The following VRK2 variants were observed in gnomAD, a reference collection of about 807,000 sequenced individuals.
The protein encoded by VRK2 is VRK serine/threonine kinase 2.
Under a neutral mutation model 57.6 loss-of-function variants are expected in VRK2, and 60 were observed. The observed-to-expected ratio is 1.04, with a 90% CI of 0.85 to 1.29. The LOEUF (loss-of-function observed/expected upper bound fraction) is 1.29, where lower values mean the gene tolerates loss of function less well. VRK2 is among the 50% of genes most tolerant of loss of function. The pLI, the probability that VRK2 is intolerant of heterozygous loss-of-function variation, is 0.00. For missense variants in VRK2, 705 were observed against 588.1 expected (o/e 1.20, Z -2.06); for synonymous variants, 231 against 199.2 (o/e 1.16, Z -1.35).
intron 5 of VRK2, 142 bp from the exon 6 acceptor site, chr2:58,088,199 A>T: frequency 1.6e-6 from 1 of 635,874 alleles, no homozygotes; most frequent in Non-Finnish European, 2.8e-6. Flanking sequence ...AGAATTATGA[A>T]CGTGCATTCA....
chr2:58,066,672 A>G (rs1424595280), intron 2 of VRK2, among the ~76,000 whole-genome samples: 1 of 152,142 alleles, frequency 6.6e-6, no homozygotes, highest in Non-Finnish European at 1.5e-5. Context: ...AATGTTTTGT[A>G]TAGTTATACA....
At chr2:58,130,913 T>C (rs1046147004) in intron 8 of VRK2, among the ~76,000 whole-genome samples, 6 of 152,334 alleles carry the variant, frequency 3.9e-5, no homozygotes, top group Non-Finnish European at 8.8e-5. Flanking sequence ...GTATCAGTTA[T>C]ATTTCATACA....
intron 1 of VRK2, among the ~76,000 whole-genome samples, chr2:57,946,057 A>G (rs1035505621): frequency 1.2e-4 from 19 of 152,290 alleles, no homozygotes; most frequent in African/African-American, 4.3e-4. Flanking sequence ...TTATCTATAT[A>G]TTTTGCAAGC....
At chr2:57,939,670 A>C (rs1671030361) in intron 1 of VRK2, among the ~76,000 whole-genome samples, 1 of 152,240 alleles carries the variant, frequency 6.6e-6, no homozygotes, top group Non-Finnish European at 1.5e-5. Context: ...ATTATGTGAA[A>C]GTAAATGCAC....
chr2:58,138,350 T>C (rs979321481), intron 10 of VRK2, among the ~76,000 whole-genome samples: 2 of 152,118 alleles, frequency 1.3e-5, no homozygotes, highest in African/African-American at 4.8e-5. Flanking sequence ...AACAGAGATC[T>C]GGTTGACCGA....
At chr2:57,985,118 G>C (rs1449162117) in intron 1 of VRK2, among the ~76,000 whole-genome samples, 1 of 151,962 alleles carries the variant, frequency 6.6e-6, no homozygotes, top group Non-Finnish European at 1.5e-5. Flanking sequence ...TAGATGGATA[G>C]AGTGATAAAT....
chr2:58,122,202 A>T (rs1185635384), intron 7 of VRK2, among the ~76,000 whole-genome samples: 1 of 152,118 alleles, frequency 6.6e-6, no homozygotes, highest in Non-Finnish European at 1.5e-5. Context: ...CAGTCTCTTC[A>T]CTATCATTAT....
chr2:58,145,723 CG>C (rs1682013367), intron 11 of VRK2, among the ~76,000 whole-genome samples: 1 of 151,916 alleles, frequency 6.6e-6, no homozygotes, highest in Non-Finnish European at 1.5e-5. Context: ...GTGCTGCACC[CG>C]TTAACTCATC....
At chr2:58,105,066 G>A (rs545710874) in intron 7 of VRK2, among the ~76,000 whole-genome samples, 1 of 151,814 alleles carries the variant, frequency 6.6e-6, no homozygotes, top group South Asian at 2.1e-4. Context: ...AACTCAAGAT[G>A]GATTAAAGAC....
At chr2:58,045,294 G>A (rs1674654519), upstream of VRK2, among the ~76,000 whole-genome samples, 1 of 152,160 alleles carries the variant, frequency 6.6e-6, no homozygotes, top group African/African-American at 2.4e-5. Context: ...TTTGAAGGTT[G>A]AGCCAACAGG....
rs3732136 is a variant in VRK2 at position 58,159,865 on chromosome 2, C to T, written c.*172C>T. 476,602 of 1,600,198 alleles carry T rather than the reference C, an allele frequency of 0.3. 82,760 individuals are homozygous for T. The highest frequency in any genetic ancestry group is 0.83 in the African/African-American group (61,960 of 74,444). ...CTCTAAAAAATAAAATTGCTTTGTA[C>T]TAGAAATAGTGTCATAGAATAGTGT... On this transcript the variant is annotated 3_prime_UTR_variant, in exon 13 of 13. Transcript: ENST00000340157.
intron 1 of VRK2, among the ~76,000 whole-genome samples, chr2:57,937,583 A>G (rs1279545954): frequency 6.6e-6 from 1 of 152,204 alleles, no homozygotes; most frequent in Non-Finnish European, 1.5e-5. Context: ...TGAACTAAGC[A>G]TTGCTATTTA....
chr2:58,060,966 A>G (rs887809307), intron 2 of VRK2, among the ~76,000 whole-genome samples: 1 of 151,946 alleles, frequency 6.6e-6, no homozygotes. Context: ...TCATTTCTTA[A>G]TAGATTATCG....
chr2:58,097,884 C>T (rs1173846602), intron 7 of VRK2, among the ~76,000 whole-genome samples: 2 of 150,882 alleles, frequency 1.3e-5, no homozygotes, highest in African/African-American at 4.9e-5. Flanking sequence ...GAGTATATTC[C>T]TTCTACTTAT....
intron 1 of VRK2, among the ~76,000 whole-genome samples, chr2:57,950,060 T>G (rs1671378242): frequency 6.6e-6 from 1 of 152,190 alleles, no homozygotes; most frequent in Admixed American, 6.5e-5. Flanking sequence ...AAAGGTTAGT[T>G]CATGAGATTT....
chr2:58,084,139 G>A lies in VRK2; in HGVS notation c.186+1G>A, dbSNP rs1671284932. The A allele has an allele frequency of 6.2e-7, 1 of 1,604,538 alleles. No homozygotes were observed. Among genetic ancestry groups the A allele is most frequent in the Admixed American group, 1.7e-5 (1 of 59,384 alleles). On this transcript the variant is annotated splice_donor_variant, in intron 3 of 12. Transcript: ENST00000340157. LOFTEE classifies it high-confidence loss of function. ...AGATGCAAGACATGTAGTAAAAGTG[G>A]TAAGTGTTGCTCATAGATTTGTATT... is the stretch of plus-strand genomic sequence containing the variant.
intron 1 of VRK2, among the ~76,000 whole-genome samples, chr2:58,012,459 T>C (rs1299691761): frequency 6.6e-6 from 1 of 152,242 alleles, no homozygotes; most frequent in South Asian, 2.1e-4. Flanking sequence ...TCTAACATTA[T>C]TGTTCAAGAG....
chr2:58,078,474 T>G (rs549544916), intron 2 of VRK2, among the ~76,000 whole-genome samples: 1 of 152,258 alleles, frequency 6.6e-6, no homozygotes, highest in Admixed American at 6.5e-5. Context: ...GTGCATGTAT[T>G]TCTTCAGGAT....
At chr2:58,107,705 G>A (rs1439695559) in intron 7 of VRK2, among the ~76,000 whole-genome samples, 5 of 152,144 alleles carry the variant, frequency 3.3e-5, no homozygotes, top group Non-Finnish European at 7.4e-5. Flanking sequence ...ATTCTCTCAT[G>A]TGAATCTTCA....
Sources: gnomAD v4.1 joint callset for allele counts (sites outside exome capture counted in the v4.1 genomes callset) on GRCh38, gnomAD v4.1.1 for gene constraint, MANE v1.5 for transcripts, NCBI Gene and HGNC (gene_info 2026-07-23, HGNC 2026-07-21) for gene names.